The following ERBIN variants were observed in gnomAD, a reference collection of about 807,000 sequenced individuals.
ERBIN encodes densin-180-like protein.
ERBIN carries 60 observed loss-of-function variants against 158.4 expected under a neutral mutation model. The ratio of observed to expected loss-of-function variants is 0.38; its 90% confidence interval spans 0.31 to 0.47. ERBIN has a LOEUF of 0.47. Ranked by LOEUF, ERBIN falls within the 20% of genes least tolerant of loss-of-function variation. The pLI, the probability that ERBIN is intolerant of heterozygous loss-of-function variation, is 0.99. For synonymous variants in ERBIN, 594 were observed against 557.2 expected (o/e 1.07, Z -0.93); for missense variants, 1,610 against 1,648.0 (o/e 0.98, Z 0.40).
chr5:66,065,800 G>A (rs941880363), intron 21 of ERBIN, among the ~76,000 whole-genome samples: 1 of 152,052 alleles, frequency 6.6e-6, no homozygotes, highest in African/African-American at 2.4e-5. Context: ...TTAAAAGCTG[G>A]TCTGAAGAAT....
chr5:66,071,972 C>T (rs1761573952), intron 21 of ERBIN, among the ~76,000 whole-genome samples, 197 bp from the exon 22 acceptor site: 1 of 151,958 alleles, frequency 6.6e-6, no homozygotes, highest in Non-Finnish European at 1.5e-5. Flanking sequence ...TTCATACATA[C>T]AAAAATATCT....
rs1755224133 is a variant in ERBIN, at chr5:66,018,546, TTATATATTATATA to T, written c.534-2775_534-2763del. Among the ~76,000 whole-genome samples, 2 of 8,564 alleles carry T rather than the reference TTATATATTATATA, an allele frequency of 2.3e-4. 1 individual carries two copies. The highest frequency in any genetic ancestry group is 1.1e-3 in the Non-Finnish European group (2 of 1,830). 5.6% of individuals were successfully genotyped at this position (8,564 alleles called of 152,430 possible). On this transcript the variant is annotated intron_variant, in intron 7 of 25. Transcript: ENST00000284037. ...TATATATTATATTATATAATATATA[TTATATATTATATA>T]ATATATATTATATTATATAATATAT...
intron 1 of ERBIN, among the ~76,000 whole-genome samples, chr5:65,983,350 C>G (rs1181961457): frequency 6.6e-6 from 1 of 152,006 alleles, no homozygotes; most frequent in Non-Finnish European, 1.5e-5. Flanking sequence ...TAGTTTTTGA[C>G]TGTTGTCCTT....
intron 17 of ERBIN, 148 bp from the exon 18 acceptor site, chr5:66,046,205 G>T (rs1758424432): frequency 2.3e-6 from 1 of 426,610 alleles, no homozygotes; most frequent in African/African-American, 2.0e-5. Context: ...TTATCTGTGA[G>T]TGTCACAGGT....
At chr5:65,991,947 G>A (rs16894687) in intron 2 of ERBIN, among the ~76,000 whole-genome samples, 1 of 152,122 alleles carries the variant, frequency 6.6e-6, no homozygotes, top group South Asian at 2.1e-4. Context: ...TTCATAGGAA[G>A]GTTATAGGGT....
chr5:66,014,294 T>G (rs1438460902), intron 6 of ERBIN, among the ~76,000 whole-genome samples: 1 of 152,186 alleles, frequency 6.6e-6, no homozygotes, highest in Non-Finnish European at 1.5e-5. Context: ...TTTCTCCTCC[T>G]TCTTTTGTTT....
chr5:66,023,135 C>T (rs1755871984), intron 8 of ERBIN, 155 bp from the exon 9 acceptor site: 2 of 599,420 alleles, frequency 3.3e-6, no homozygotes, highest in Non-Finnish European at 5.9e-6. Flanking sequence ...GGCTTACATC[C>T]TGGCTCTTCT....
Position 66,076,255 on chromosome 5 carries a change from T to A in ERBIN, c.3964-61T>A, listed in dbSNP as rs1490142213. 5.7e-6 allele frequency: 7 copies of A among 1,225,418 alleles called. No individual in the cohort carries two copies. The Admixed American group carries it at 1.3e-4, about 23-fold the overall frequency. The allele number at this position is 1,225,418 out of a possible 1,614,324, so 75.9% of individuals were successfully genotyped here. A position where few individuals can be genotyped will look rare whatever the true frequency, so the allele number is the denominator to read the frequency against. ...TAACCAATCAGTATTTAAATATGGA[T>A]GTTGTTGCATTATAACTTTTTCTGA... On this transcript the variant is annotated intron_variant, in intron 23 of 25. Transcript: ENST00000284037.
chr5:66,040,257 C>T (rs778694094), intron 15 of ERBIN, among the ~76,000 whole-genome samples: 7 of 151,804 alleles, frequency 4.6e-5, no homozygotes, highest in Non-Finnish European at 1.0e-4. Flanking sequence ...CTAAACTGTC[C>T]GAATCATAGG....
intron 21 of ERBIN, among the ~76,000 whole-genome samples, chr5:66,056,202 A>G (rs1409770527): frequency 6.6e-6 from 1 of 152,182 alleles, no homozygotes; most frequent in Non-Finnish European, 1.5e-5. Flanking sequence ...GTGAACTTTT[A>G]TCAGTGCAGT....
intron 15 of ERBIN, among the ~76,000 whole-genome samples, 160 bp downstream of exon 15, chr5:66,038,642 CA>C (rs1464093352): frequency 6.6e-6 from 1 of 152,060 alleles, no homozygotes; most frequent in Non-Finnish European, 1.5e-5. Flanking sequence ...GGCACGATTT[CA>C]GGGGTTGAAT....
chr5:65,939,600 G>C (rs889017333), intron 1 of ERBIN, among the ~76,000 whole-genome samples: 1 of 151,790 alleles, frequency 6.6e-6, no homozygotes, highest in African/African-American at 2.4e-5. Flanking sequence ...ATGCCGAGCC[G>C]AAGCTGGACT....
chr5:66,050,160 T>C (rs1031258197), intron 19 of ERBIN, among the ~76,000 whole-genome samples: 2 of 151,924 alleles, frequency 1.3e-5, no homozygotes, highest in Non-Finnish European at 2.9e-5. Flanking sequence ...AGTATATTCA[T>C]TGAAATTAAC....
chr5:65,991,147 A>T (rs1289814156), intron 2 of ERBIN, among the ~76,000 whole-genome samples: 1 of 152,254 alleles, frequency 6.6e-6, no homozygotes, highest in East Asian at 1.9e-4. Context: ...AAGTAGAAGA[A>T]TTAGAAGCAG....
intron 1 of ERBIN, among the ~76,000 whole-genome samples, chr5:65,932,023 G>A (rs927483306): frequency 2.0e-5 from 3 of 151,708 alleles, no homozygotes; most frequent in Non-Finnish European, 4.4e-5. Context: ...TCTCCACGTT[G>A]GTCAGGCTGG....
At chr5:65,995,353 T>C (rs1204394397) in intron 4 of ERBIN, among the ~76,000 whole-genome samples, 4 of 145,686 alleles carry the variant, frequency 2.7e-5, no homozygotes, top group African/African-American at 1.0e-4. Context: ...AGATTCCATA[T>C]GTAAGTGAGC....
At chr5:65,990,512 C>T (rs1561340519) in intron 2 of ERBIN, among the ~76,000 whole-genome samples, 1 of 151,400 alleles carries the variant, frequency 6.6e-6, no homozygotes, top group African/African-American at 2.4e-5. Flanking sequence ...ACTAAAAATA[C>T]AAAAAAAATT....
intron 19 of ERBIN, among the ~76,000 whole-genome samples, chr5:66,049,090 A>G (rs2151221388): frequency 6.6e-6 from 1 of 152,186 alleles, no homozygotes; most frequent in South Asian, 2.1e-4. Context: ...ATGTGTACAT[A>G]TCTGATTTGA....
intron 2 of ERBIN, among the ~76,000 whole-genome samples, chr5:65,989,844 C>T (rs1268901716): frequency 6.6e-6 from 1 of 151,312 alleles, no homozygotes; most frequent in African/African-American, 2.4e-5. Flanking sequence ...AGAATTCTTT[C>T]CCATTCTTAA....
Sources: gnomAD v4.1 joint callset for allele counts (sites outside exome capture counted in the v4.1 genomes callset) on GRCh38, gnomAD v4.1.1 for gene constraint, MANE v1.5 for transcripts, NCBI Gene and HGNC (gene_info 2026-07-23, HGNC 2026-07-21) for gene names.